Variants in SLMAP observed in about 807,000 individuals in gnomAD.
SLMAP encodes sarcolemmal membrane-associated protein.
Under a neutral mutation model 128.8 loss-of-function variants are expected in SLMAP, and 44 were observed. The observed-to-expected ratio is 0.34, with a 90% confidence interval of 0.27 to 0.44. The LOEUF (loss-of-function observed/expected upper bound fraction) is 0.44, where lower values mean the gene tolerates loss of function less well. Among genes scored for constraint, SLMAP ranks in the 20% least tolerant of loss-of-function variants. The pLI, the probability that SLMAP is intolerant of heterozygous loss-of-function variation, is 1.00. For synonymous variants in SLMAP, 327 were observed against 348.8 expected, an observed-to-expected ratio of 0.94 and a Z score of 0.70; for missense variants, 787 against 985.3, an observed-to-expected ratio of 0.80 and a Z score of 2.69.
chr3:57,886,149 G>A (rs2095881138), intron 14 of SLMAP, among the ~76,000 whole-genome samples: 2 of 149,698 alleles, frequency 1.3e-5, no homozygotes, highest in African/African-American at 4.9e-5. Flanking sequence ...TGTTGCCCAG[G>A]CTGGAGTGCA....
At chr3:57,825,082 T>C (rs1356138564) in intron 2 of SLMAP, among the ~76,000 whole-genome samples, 2 of 152,220 alleles carry the variant, frequency 1.3e-5, no homozygotes, top group Non-Finnish European at 2.9e-5. Flanking sequence ...ACACTGTTTT[T>C]TGTGTGTTAA....
At chr3:57,801,625 A>G (rs138700212) in intron 2 of SLMAP, among the ~76,000 whole-genome samples, 172 of 146,606 alleles carry the variant, frequency 1.2e-3, no homozygotes, top group Middle Eastern at 6.9e-3. Flanking sequence ...CCATTGTTGA[A>G]TATGTACTGT....
chr3:57,787,080 A>G (rs948302945), intron 2 of SLMAP, among the ~76,000 whole-genome samples: 1 of 152,182 alleles, frequency 6.6e-6, no homozygotes, highest in Non-Finnish European at 1.5e-5. Flanking sequence ...AATGCATTAT[A>G]GCAGAAATAA....
chr3:57,920,095 T>C (rs1559569437), intron 22 of SLMAP, among the ~76,000 whole-genome samples: 1 of 152,240 alleles, frequency 6.6e-6, no homozygotes. Flanking sequence ...TATTCTTTAT[T>C]AGTCCCTGTT....
At chr3:57,850,707 C>T (rs2094468838) in intron 6 of SLMAP, among the ~76,000 whole-genome samples, 1 of 152,182 alleles carries the variant, frequency 6.6e-6, no homozygotes, top group South Asian at 2.1e-4. Context: ...AATCTCAGCT[C>T]ACTACAACCT....
At chr3:57,814,679 T>C (rs2091592407) in intron 2 of SLMAP, among the ~76,000 whole-genome samples, 1 of 152,100 alleles carries the variant, frequency 6.6e-6, no homozygotes, top group South Asian at 2.1e-4. Context: ...CCTCTTGATA[T>C]AACTTCACTT....
intron 6 of SLMAP, among the ~76,000 whole-genome samples, chr3:57,850,108 C>T (rs796074015): frequency 1.3e-4 from 19 of 151,956 alleles, no homozygotes; most frequent in African/African-American, 4.1e-4. Flanking sequence ...CCCAGGGGGT[C>T]GAGGCTGCAG....
Position 57,757,315 on chromosome 3 carries a change from C to G in SLMAP, c.-337C>G, listed in dbSNP as rs1172367299. On this transcript the variant is annotated 5_prime_UTR_variant, in exon 2 of 25. Transcript: ENST00000671191. ...GTGTGACTCATCTGCTTGGATACCT[C>G]CAGTCCCCAAACTGTGTTCCAGGAG... is the stretch of plus-strand genomic sequence containing the variant. 3 of 392,104 alleles carry G rather than the reference C, an allele frequency of 7.7e-6. No homozygotes were observed. Among genetic ancestry groups the G allele is most frequent in the African/African-American group, 6.2e-5 (3 of 48,650 alleles). 24.3% of individuals were successfully genotyped at this position (392,104 alleles called of 1,614,324 possible).
At chr3:57,905,986 G>A (rs2096527331) in intron 17 of SLMAP, among the ~76,000 whole-genome samples, 1 of 140,674 alleles carries the variant, frequency 7.1e-6, no homozygotes, top group Admixed American at 7.6e-5. Context: ...TAATGTCGAT[G>A]TTTTTGTCAA....
At chr3:57,772,765 C>T (rs568561106) in intron 2 of SLMAP, among the ~76,000 whole-genome samples, 34 of 152,154 alleles carry the variant, frequency 2.2e-4, no homozygotes, top group African/African-American at 6.7e-4. Flanking sequence ...TTCAGCCTCC[C>T]GAGTAGCTGG....
chr3:57,839,070 T>TA (rs2093783009), intron 3 of SLMAP, among the ~76,000 whole-genome samples: 1 of 151,686 alleles, frequency 6.6e-6, no homozygotes. Context: ...CCCCCAGCCT[T>TA]AGCCTCCTGA....
rs533002499 is a variant in SLMAP at position 57,820,263 on chromosome 3, G to A, written c.199-11120G>A. Among the ~76,000 whole-genome samples, 153 of 152,018 alleles carry A rather than the reference G, an allele frequency of 1.0e-3. 1 individual carries two copies. Among genetic ancestry groups the A allele is most frequent in the African/African-American group, 3.6e-3 (148 of 41,454 alleles). ...AAAATATGTAATATTTAAAATATTG[G>A]TATTAATAATTTTGATATCCTTTGA... is the stretch of plus-strand genomic sequence containing the variant. On this transcript the variant is annotated intron_variant, in intron 2 of 24. Coordinates refer to ENST00000671191, the MANE Select transcript of SLMAP (RefSeq NM_001377540.1).
intron 2 of SLMAP, among the ~76,000 whole-genome samples, chr3:57,826,992 G>A (rs2092972695): frequency 6.6e-6 from 1 of 152,116 alleles, no homozygotes. Flanking sequence ...TTTCCCATGG[G>A]ATTTTGGTTT....
intron 15 of SLMAP, chr3:57,896,246 G>T: frequency 8.8e-7 from 1 of 1,138,678 alleles, no homozygotes; most frequent in Non-Finnish European, 1.1e-6. Flanking sequence ...TTTGTTTCCA[G>T]TTGGCAAGTG....
intron 2 of SLMAP, among the ~76,000 whole-genome samples, chr3:57,799,042 A>G (rs1350945108): frequency 6.6e-6 from 1 of 152,208 alleles, no homozygotes; most frequent in Non-Finnish European, 1.5e-5. Flanking sequence ...CCATCTCTGC[A>G]TGATGTAGCT....
chr3:57,891,790 T>C lies in SLMAP; in HGVS notation c.1360+1690T>C, dbSNP rs145201838. Among the ~76,000 whole-genome samples, 308 of 152,300 alleles carry C rather than the reference T, an allele frequency of 2.0e-3. 1 individual carries two copies. The highest frequency in any genetic ancestry group is 6.8e-3 in the African/African-American group (284 of 41,572). On this transcript the variant is annotated intron_variant, in intron 15 of 24. Transcript: ENST00000671191. The stretch of plus-strand genomic sequence containing the variant: ...TGAGGTTTCACCATGTTGACCAGGC[T>C]GGTCTCAAACTCCTGACCTCAGATG...
At chr3:57,858,310 GTAAA>G in intron 8 of SLMAP, 151 bp downstream of exon 8, 1 of 584,516 alleles carries the variant, frequency 1.7e-6, no homozygotes, top group African/African-American at 1.9e-5. Flanking sequence ...AGACATCCAT[GTAAA>G]TAAAAATAAT....
At chr3:57,914,113 A>C (rs1487050403) in intron 21 of SLMAP, among the ~76,000 whole-genome samples, 3 of 152,226 alleles carry the variant, frequency 2.0e-5, no homozygotes, top group Non-Finnish European at 4.4e-5. Context: ...TTGACAAGCA[A>C]ATCAGTGAAT....
chr3:57,761,576 T>C (rs1038832104), intron 2 of SLMAP, among the ~76,000 whole-genome samples: 9 of 151,998 alleles, frequency 5.9e-5, no homozygotes, highest in Non-Finnish European at 1.0e-4. Flanking sequence ...ATTACAGGCA[T>C]GAGCCACTGT....
Sources: gnomAD v4.1 joint callset for allele counts (sites outside exome capture counted in the v4.1 genomes callset) on GRCh38, gnomAD v4.1.1 for gene constraint, MANE v1.5 for transcripts, NCBI Gene and HGNC (gene_info 2026-07-23, HGNC 2026-07-21) for gene names.